Variants in HOMER2 observed in about 807,000 individuals in gnomAD.
The protein encoded by HOMER2 is homer protein homolog 2.
Under a neutral mutation model 47.0 loss-of-function variants are expected in HOMER2, and 27 were observed. That is an observed-to-expected ratio of 0.57 (90% CI 0.42 to 0.79). The LOEUF (loss-of-function observed/expected upper bound fraction) is 0.79. Among genes scored for constraint, HOMER2 ranks in the 30% least tolerant of loss-of-function variants. The pLI, the probability that HOMER2 is intolerant of heterozygous loss-of-function variation, is 0.00. For synonymous variants in HOMER2, 161 were observed against 163.8 expected (o/e 0.98, Z 0.13); for missense variants, 443 against 435.0 (o/e 1.02, Z -0.16).
intron 1 of HOMER2, among the ~76,000 whole-genome samples, chr15:82,911,441 G>T (rs2053452309): frequency 6.6e-6 from 1 of 151,996 alleles, no homozygotes; most frequent in Non-Finnish European, 1.5e-5. Flanking sequence ...CTGAATTTAG[G>T]TTTAGGGGAA....
chr15:82,956,239 C>CA (rs34193575), upstream of HOMER2, among the ~76,000 whole-genome samples: 14,361 of 91,826 alleles, frequency 0.16, 1,001 homozygotes, highest in Middle Eastern at 0.32. Context: ...GACTCCATCT[C>CA]AAAAAAAAAA....
At chr15:82,871,198 A>G (rs566421958) in intron 3 of HOMER2, among the ~76,000 whole-genome samples, 4 of 152,346 alleles carry the variant, frequency 2.6e-5, no homozygotes, top group African/African-American at 9.6e-5. Flanking sequence ...TTGCCCTGTA[A>G]TAATACTTTT....
intron 1 of HOMER2, among the ~76,000 whole-genome samples, chr15:82,967,552 C>G (rs1331613875): frequency 1.3e-5 from 2 of 152,118 alleles, no homozygotes; most frequent in Non-Finnish European, 1.5e-5. Context: ...TGTTCTACTT[C>G]TGCATATGTT....
chr15:82,955,734 A>G (rs949801868), upstream of HOMER2, among the ~76,000 whole-genome samples: 1 of 152,256 alleles, frequency 6.6e-6, no homozygotes, highest in African/African-American at 2.4e-5. Flanking sequence ...TATTCTTTCA[A>G]TAAATGTTGA....
rs1244361918 is a variant in HOMER2 at position 82,868,523 on chromosome 15, T to TTA, written c.295-4266_295-4265dup. Among the ~76,000 whole-genome samples the TTA allele has an allele frequency of 1.8e-3, 66 of 36,638 alleles. 5 individuals carry two copies. The highest frequency in any genetic ancestry group is 5.1e-3 in the African/African-American group (45 of 8,886). 24.0% of individuals were successfully genotyped at this position (36,638 alleles called of 152,430 possible). The stretch of plus-strand genomic sequence containing the variant: ...AAGTTATATATATCACTTATTTATT[T>TTA]TATATATATATATATATATTTTTTT... On this transcript the variant is annotated intron_variant, in intron 3 of 8. Transcript: ENST00000450735.
chr15:82,891,102 C>G (rs1180096598), intron 2 of HOMER2, among the ~76,000 whole-genome samples: 1 of 152,110 alleles, frequency 6.6e-6, no homozygotes, highest in Non-Finnish European at 1.5e-5. Flanking sequence ...GCAGAAAGAC[C>G]AGTTCCTTCA....
intron 1 of HOMER2, among the ~76,000 whole-genome samples, chr15:82,947,596 G>A (rs1281073453): frequency 3.9e-5 from 6 of 152,194 alleles, no homozygotes; most frequent in Non-Finnish European, 7.3e-5. Flanking sequence ...CAGACGGCCC[G>A]AAAATTAACC....
rs138898063 is a variant in HOMER2 at position 82,895,560 on chromosome 15, G to A, written c.6-2719C>T. ...CCACACACAGTATTCTCCTACATACGTGAAAGGAAGGAGCAATTTAAAGGG... is the reference window on the plus strand; with the variant it reads ...CCACACACAGTATTCTCCTACATACATGAAAGGAAGGAGCAATTTAAAGGG... On this transcript the variant is annotated intron_variant, in intron 1 of 8. Transcript: ENST00000450735. Among the ~76,000 whole-genome samples the A allele has an allele frequency of 1.9e-3, 288 of 152,296 alleles. 2 individuals are homozygous for A. Among genetic ancestry groups the A allele is most frequent in the East Asian group, 4.1e-3 (21 of 5,182 alleles).
intron 1 of HOMER2, among the ~76,000 whole-genome samples, chr15:82,977,665 G>A (rs952996147): frequency 2.6e-5 from 4 of 152,114 alleles, no homozygotes; most frequent in Non-Finnish European, 5.9e-5. Flanking sequence ...ATGGCCCCTG[G>A]ACTCTTAGCA....
exon 2 of HOMER2, chr15:82,837,855 A>G (rs1213161208): frequency 1.3e-5 from 2 of 152,274 alleles, no homozygotes; most frequent in East Asian, 3.8e-4. Context: ...GAGGGTGCAC[A>G]ATAAATATTT....
chr15:82,925,300 G>A (rs1214343533), intron 1 of HOMER2, among the ~76,000 whole-genome samples: 1 of 152,202 alleles, frequency 6.6e-6, no homozygotes, highest in Non-Finnish European at 1.5e-5. Flanking sequence ...CATGGGGTCA[G>A]TAAGATGGGG....
chr15:82,882,881 C>CTTTTTTT (rs757073475), intron 2 of HOMER2, among the ~76,000 whole-genome samples: 23 of 27,044 alleles, frequency 8.5e-4, no homozygotes, highest in South Asian at 3.2e-3. Context: ...CCAGCCACTG[C>CTTTTTTT]TTTTTTTTTT....
At chr15:82,939,312 T>G (rs895502664) in intron 1 of HOMER2, among the ~76,000 whole-genome samples, 5 of 151,886 alleles carry the variant, frequency 3.3e-5, no homozygotes, top group African/African-American at 7.3e-5. Flanking sequence ...CAACCAAGAG[T>G]GGAGTCCATC....
At chr15:82,879,126 C>G (rs1156771695) in intron 2 of HOMER2, among the ~76,000 whole-genome samples, 3 of 152,182 alleles carry the variant, frequency 2.0e-5, no homozygotes, top group African/African-American at 4.8e-5. Flanking sequence ...CCATTTGGCT[C>G]TTTCAAAAAA....
chr15:82,854,402 T>C (rs1300052879), intron 6 of HOMER2, among the ~76,000 whole-genome samples: 1 of 151,350 alleles, frequency 6.6e-6, no homozygotes, highest in Non-Finnish European at 1.5e-5. Context: ...CGAGACTCCA[T>C]CTCAAAAAAA....
chr15:82,849,693 G>T lies in HOMER2; in HGVS notation c.*22C>A. 2 of 1,604,720 alleles carry T rather than the reference G, an allele frequency of 1.2e-6. No individual in the cohort carries two copies. Among genetic ancestry groups the T allele is most frequent in the Non-Finnish European group, 1.7e-6 (2 of 1,175,440 alleles). ...GCACACACGCTTGGGACTCACGGGC[G>T]GGGCCTGGGCCTCGGCCAGCCCTAG... is the stretch of plus-strand genomic sequence containing the variant. On this transcript the variant is annotated 3_prime_UTR_variant, in exon 9 of 9. Transcript: ENST00000450735.
At chr15:82,864,349 T>C (rs1439065651) in intron 3 of HOMER2, 90 bp from the exon 4 acceptor site, 2 of 781,010 alleles carry the variant, frequency 2.6e-6, no homozygotes, top group East Asian at 2.5e-5. Flanking sequence ...GCATCCATTT[T>C]AGGCCCATAC....
At chr15:82,982,997 A>G (rs2151265415) in intron 1 of HOMER2, among the ~76,000 whole-genome samples, 1 of 152,188 alleles carries the variant, frequency 6.6e-6, no homozygotes, top group East Asian at 1.9e-4. Flanking sequence ...TTATGTCCAG[A>G]TAAACCCATC....
intron 1 of HOMER2, among the ~76,000 whole-genome samples, chr15:82,909,017 G>A (rs777726333): frequency 2.6e-5 from 4 of 152,096 alleles, no homozygotes; most frequent in Non-Finnish European, 5.9e-5. Context: ...AGAGAAAAGA[G>A]GAGAGGAACA....
Sources: allele counts gnomAD v4.1 joint callset (sites outside exome capture counted in the v4.1 genomes callset), GRCh38; gene constraint gnomAD v4.1.1; transcripts MANE v1.5; gene names NCBI Gene and HGNC (gene_info 2026-07-23, HGNC 2026-07-21).